The following TMEM268 variants were observed in gnomAD, a reference collection of about 807,000 sequenced individuals.
TMEM268 encodes transmembrane protein 268, also known as transmembrane protein C9orf91.
In TMEM268, 24 loss-of-function variants were observed where a neutral mutation model predicts 39.1. The ratio of observed to expected loss-of-function variants is 0.61; its 90% confidence interval spans 0.44 to 0.86. The LOEUF (loss-of-function observed/expected upper bound fraction) is 0.86, where lower values mean the gene tolerates loss of function less well. Ranked by LOEUF, TMEM268 falls within the 40% of genes least tolerant of loss-of-function variation. The pLI is 0.00. For missense variants in TMEM268, 409 were observed against 428.6 expected, an observed-to-expected ratio of 0.95 and a Z score of 0.40; for synonymous variants, 176 against 173.5, an observed-to-expected ratio of 1.01 and a Z score of -0.12.
chr9:114,638,474 G>C lies in TMEM268; in HGVS notation c.667-70G>C, dbSNP rs941874339. The C allele has an allele frequency of 4.9e-6, 6 of 1,223,880 alleles. No individual in the cohort carries two copies. The African/African-American group carries it at 9.4e-5, about 19-fold the overall frequency. 75.8% of individuals were successfully genotyped at this position (1,223,880 alleles called of 1,614,324 possible). ...ATCTTCTGCTCGGTCTGCAGCTTGG[G>C]GAGGGACTCAGCCTCGCAGATACCA... On this transcript the variant is annotated intron_variant, in intron 7 of 8. Transcript: ENST00000288502.
At chr9:114,608,652 A>G (rs1006320876), upstream of TMEM268, among the ~76,000 whole-genome samples, 3 of 152,148 alleles carry the variant, frequency 2.0e-5, no homozygotes, top group Admixed American at 1.3e-4. Flanking sequence ...TAAAGCTTCA[A>G]TATCTCTTGA....
At chr9:114,616,913 T>G (rs1462374891) in intron 1 of TMEM268, among the ~76,000 whole-genome samples, 3 of 152,136 alleles carry the variant, frequency 2.0e-5, no homozygotes, top group African/African-American at 7.2e-5. Context: ...GTTCTCAGTT[T>G]GGGCCTTGGA....
In TMEM268 at chr9:114,644,916, C is replaced by T. The variant is rs561746922; in HGVS notation, c.*1603C>T. ...GGTTCAAGTGATTCTCATGCCTCAG[C>T]CTCCCAAGTAGCTGGGACTACAGGT... is the stretch of plus-strand genomic sequence containing the variant. On this transcript the variant is annotated 3_prime_UTR_variant, in exon 9 of 9. Coordinates refer to ENST00000288502, the MANE Select transcript of TMEM268 (RefSeq NM_153045.4). 6.6e-6 allele frequency: 1 copy of T among 152,266 alleles called. No individual in the cohort carries two copies. The highest frequency in any genetic ancestry group is 2.1e-4 in the South Asian group (1 of 4,814). 9.4% of individuals were successfully genotyped at this position (152,266 alleles called of 1,614,324 possible).
intron 8 of TMEM268, among the ~76,000 whole-genome samples, chr9:114,640,647 A>G (rs566137497): frequency 1.3e-5 from 2 of 152,194 alleles, no homozygotes; most frequent in Non-Finnish European, 2.9e-5. Context: ...TGCTTCTTAC[A>G]TTATTGATTT....
intron 5 of TMEM268, among the ~76,000 whole-genome samples, chr9:114,629,815 CA>C (rs1202667583): frequency 1.3e-5 from 2 of 152,188 alleles, no homozygotes; most frequent in Non-Finnish European, 1.5e-5. Flanking sequence ...TGCGTGTGTT[CA>C]CGAGACAAAC....
the TMEM268 span, among the ~76,000 whole-genome samples, chr9:114,604,849 C>G: frequency 6.6e-6 from 1 of 152,162 alleles, no homozygotes; most frequent in Non-Finnish European, 1.5e-5. Context: ...AATCCCACTT[C>G]CATGGATGAG....
At chr9:114,641,969 A>C (rs1035728160) in intron 8 of TMEM268, among the ~76,000 whole-genome samples, 1 of 152,192 alleles carries the variant, frequency 6.6e-6, no homozygotes, top group Non-Finnish European at 1.5e-5. Context: ...GAAAAAAAAA[A>C]GTACATTACA....
At chr9:114,604,558 C>T in the TMEM268 span, among the ~76,000 whole-genome samples, 1 of 142,518 alleles carries the variant, frequency 7.0e-6, no homozygotes, top group Non-Finnish European at 1.5e-5. Context: ...TGCACTCCAG[C>T]CTGAGTGACA....
chr9:114,622,698 G>A lies in TMEM268; in HGVS notation c.107-1652G>A, dbSNP rs116594645. 3.6e-3 allele frequency among the ~76,000 whole-genome samples: 543 copies of A among 152,252 alleles called. 2 individuals are homozygous for A. Among genetic ancestry groups the A allele is most frequent in the African/African-American group, 9.0e-3 (375 of 41,550 alleles). ...CACGTATTTTATGCTTTTGAAATGC[G>A]GAGTGTGTTGCAGCCATACGTAGGA... On this transcript the variant is annotated intron_variant, in intron 2 of 8. Coordinates refer to ENST00000288502, the MANE Select transcript of TMEM268 (RefSeq NM_153045.4).
At chr9:114,618,535 C>G (rs928680126) in intron 2 of TMEM268, among the ~76,000 whole-genome samples, 1 of 151,836 alleles carries the variant, frequency 6.6e-6, no homozygotes, top group Non-Finnish European at 1.5e-5. Context: ...TGGTGGCGGG[C>G]GCCTGTAATG....
chr9:114,640,083 C>G (rs183993091), intron 8 of TMEM268, among the ~76,000 whole-genome samples: 22 of 149,900 alleles, frequency 1.5e-4, no homozygotes, highest in Admixed American at 3.3e-4. Flanking sequence ...GAAATGATAA[C>G]TGTATTAACC....
At position 114,626,764 on chromosome 9, in the gene TMEM268, C is replaced by G. The variant is rs556374931; in HGVS notation, c.217-135C>G. 2.2e-5 allele frequency: 13 copies of G among 598,896 alleles called. No homozygotes were observed. The African/African-American group carries it at 2.4e-4, about 11-fold the overall frequency. The allele number at this position is 598,896 out of a possible 1,614,324, so 37.1% of individuals were successfully genotyped here. On this transcript the variant is annotated intron_variant, in intron 3 of 8. Coordinates refer to ENST00000288502, the MANE Select transcript of TMEM268 (RefSeq NM_153045.4). ...GAGAGCTGCACCATGTGACTTCCAC[C>G]CAGTGCTCCAAGCTCCTCATTCTGC...
intron 2 of TMEM268, among the ~76,000 whole-genome samples, chr9:114,621,045 A>G (rs1259899090): frequency 6.6e-6 from 1 of 152,174 alleles, no homozygotes; most frequent in African/African-American, 2.4e-5. Context: ...ATGAAAAAAG[A>G]ACCTTTTCCT....
rs894701747 is a variant in TMEM268 at position 114,638,609 on chromosome 9, A to C, written c.732A>C (p.Thr244=). ...VVMETGVSPA[T]AEGPENLEDA... is the part of the protein sequence containing the mutation. ...TGGAGACTGGGGTGAGCCCTGCAAC[A>C]GCGGAGGGGCCTGAGAACTTGGAGG... The change falls in exon 8 of 9, where the codon ACA becomes ACC. Residue 244 remains threonine, a synonymous_variant. Coordinates refer to ENST00000288502, the MANE Select transcript of TMEM268 (RefSeq NM_153045.4). 2 of 1,609,568 alleles carry C rather than the reference A, an allele frequency of 1.2e-6. No homozygotes were observed. The highest frequency in any genetic ancestry group is 1.3e-5 in the African/African-American group (1 of 74,742).
chr9:114,617,081 T>C, intron 1 of TMEM268, 37 bp from the exon 2 acceptor site: 4 of 677,934 alleles, frequency 5.9e-6, no homozygotes, highest in Non-Finnish European at 9.9e-6. Flanking sequence ...TTGCCCAGGC[T>C]CAGGCCTGAA....
At chr9:114,608,945 G>A (rs551758610), upstream of TMEM268, among the ~76,000 whole-genome samples, 220 of 148,980 alleles carry the variant, frequency 1.5e-3, 1 homozygote, top group African/African-American at 5.0e-3. Flanking sequence ...AGGGCTGGCC[G>A]AGCATGCAGC....
At chr9:114,636,595 G>C (rs1181299340) in intron 6 of TMEM268, among the ~76,000 whole-genome samples, 1 of 152,080 alleles carries the variant, frequency 6.6e-6, no homozygotes, top group East Asian at 1.9e-4. Context: ...TCACCTCCCA[G>C]GTTCAAGTGA....
the TMEM268 span, among the ~76,000 whole-genome samples, chr9:114,605,364 G>A: frequency 6.7e-6 from 1 of 149,932 alleles, no homozygotes; most frequent in South Asian, 2.1e-4. Context: ...TTTCCTTCTT[G>A]TGCAAATACA....
At chr9:114,604,721 G>A in the TMEM268 span, among the ~76,000 whole-genome samples, 1 of 149,090 alleles carries the variant, frequency 6.7e-6, no homozygotes, top group Non-Finnish European at 1.5e-5. Context: ...GAAACTTGTA[G>A]AAAAAAAAAA....
Sources: gnomAD v4.1 joint callset for allele counts (sites outside exome capture counted in the v4.1 genomes callset) on GRCh38, gnomAD v4.1.1 for gene constraint, MANE v1.5 for transcripts, NCBI Gene and HGNC (gene_info 2026-07-23, HGNC 2026-07-21) for gene names.